The following ASF1B variants were observed in gnomAD, a reference collection of about 807,000 sequenced individuals.
ASF1B encodes anti-silencing function 1B histone chaperone, also known as histone chaperone ASF1B.
ASF1B carries 10 observed loss-of-function variants against 16.6 expected under a neutral mutation model. The ratio of observed to expected loss-of-function variants is 0.60; its 90% CI spans 0.37 to 1.02. ASF1B has a LOEUF of 1.02. Among genes scored for constraint, ASF1B ranks in the 50% least tolerant of loss-of-function variants. ASF1B has a pLI of 0.01. For synonymous variants in ASF1B, 101 were observed against 106.2 expected, an observed-to-expected ratio of 0.95 and a Z score of 0.30; for missense variants, 240 against 266.0, an observed-to-expected ratio of 0.90 and a Z score of 0.68.
At chr19:14,124,163 G>GT (rs1352672112) in intron 2 of ASF1B, among the ~76,000 whole-genome samples, 1 of 151,566 alleles carries the variant, frequency 6.6e-6, no homozygotes, top group African/African-American at 2.4e-5. Flanking sequence ...CCTGGTTAAT[G>GT]TTTTTTTTGT....
chr19:14,133,841 T>TCGCCCAG (rs1434598366), intron 1 of ASF1B, among the ~76,000 whole-genome samples: 2 of 135,028 alleles, frequency 1.5e-5, no homozygotes, highest in Non-Finnish European at 3.1e-5. Context: ...TCTCGCTCTG[T>TCGCCCAG]CGCCCAGGCT....
At chr19:14,133,524 C>T (rs1412023911) in intron 1 of ASF1B, among the ~76,000 whole-genome samples, 1 of 151,924 alleles carries the variant, frequency 6.6e-6, no homozygotes, top group Admixed American at 6.6e-5. Flanking sequence ...AAAAATTAGC[C>T]AGGCGTCATA....
At chr19:14,135,625 G>C (rs1283625071) in intron 1 of ASF1B, among the ~76,000 whole-genome samples, 1 of 151,934 alleles carries the variant, frequency 6.6e-6, no homozygotes, top group Non-Finnish European at 1.5e-5. Context: ...GGTTGAGAGA[G>C]GTCCTGAAAA....
chr19:14,131,712 GA>G (rs1219238171), intron 1 of ASF1B, among the ~76,000 whole-genome samples: 1 of 151,032 alleles, frequency 6.6e-6, no homozygotes, highest in Non-Finnish European at 1.5e-5. Context: ...TCGAACTTCT[GA>G]CCTCAGGTAA....
intron 1 of ASF1B, among the ~76,000 whole-genome samples, chr19:14,126,777 T>C (rs570025501): frequency 2.0e-4 from 31 of 152,242 alleles, no homozygotes; most frequent in Admixed American, 7.8e-4. Flanking sequence ...TGGCCTGTTT[T>C]TGTATTTTTA....
chr19:14,130,787 G>GTATATATATATATATATATA (rs61351900), intron 1 of ASF1B, among the ~76,000 whole-genome samples: 6 of 142,438 alleles, frequency 4.2e-5, no homozygotes, highest in African/African-American at 1.6e-4. Context: ...GTGTTTGTGT[G>GTATATATATATATATATATA]TATATATATA....
rs188898152 is a variant in ASF1B, at chr19:14,129,442, C to T, written c.110-3205G>A. On this transcript the variant is annotated intron_variant, in intron 1 of 3. Coordinates refer to ENST00000263382, the MANE Select transcript of ASF1B (RefSeq NM_018154.3). ...CTGTAATCCTAGCACTTTGGGAGGC[C>T]GAGGCAGGCAGATTGCCTGAGCTCA... Among the ~76,000 whole-genome samples, 1,188 of 150,872 alleles carry T rather than the reference C, an allele frequency of 7.9e-3. 14 individuals carry two copies. The highest frequency in any genetic ancestry group is 0.027 in the African/African-American group (1,112 of 41,104).
chr19:14,130,518 A>AAC (rs1482913151), intron 1 of ASF1B, among the ~76,000 whole-genome samples: 4 of 151,962 alleles, frequency 2.6e-5, no homozygotes, highest in Non-Finnish European at 5.9e-5. Flanking sequence ...AAAAAAAAAA[A>AAC]AAAATCTGGC....
At chr19:14,128,878 C>T (rs533748214) in intron 1 of ASF1B, among the ~76,000 whole-genome samples, 47 of 152,316 alleles carry the variant, frequency 3.1e-4, no homozygotes, top group African/African-American at 1.1e-3. Flanking sequence ...GGTGTATATC[C>T]TTGAGCCCTT....
intron 2 of ASF1B, among the ~76,000 whole-genome samples, chr19:14,124,273 C>A (rs1021529814): frequency 6.6e-6 from 1 of 152,160 alleles, no homozygotes; most frequent in African/African-American, 2.4e-5. Context: ...CCTGCTTCAG[C>A]CTCCCAAGTA....
At position 14,120,372 on chromosome 19, in the gene ASF1B, C is replaced by A; in HGVS notation, c.*87G>T. The A allele has an allele frequency of 7.2e-7, 1 of 1,383,586 alleles. No individual in the cohort carries two copies. Among genetic ancestry groups the A allele is most frequent in the South Asian group, 1.3e-5 (1 of 78,984 alleles). The allele number at this position is 1,383,586 out of a possible 1,614,324, so 85.7% of individuals were successfully genotyped here. A position where few individuals can be genotyped will look rare whatever the true frequency, so the allele number is the denominator to read the frequency against. The stretch of plus-strand genomic sequence containing the variant: ...AGACCTGGATTGCAGCTGATGGCCC[C>A]CAAAGTCCTCTAGATGGGCCCTGCA... On this transcript the variant is annotated 3_prime_UTR_variant, in exon 4 of 4. Coordinates refer to ENST00000263382, the MANE Select transcript of ASF1B (RefSeq NM_018154.3).
chr19:14,131,650 T>C (rs913583535), intron 1 of ASF1B, among the ~76,000 whole-genome samples: 1 of 151,242 alleles, frequency 6.6e-6, no homozygotes, highest in Non-Finnish European at 1.5e-5. Context: ...ACCCGGCTAA[T>C]TTTTTGTATT....
At position 14,123,387 on chromosome 19, in the gene ASF1B, T is replaced by TC. The variant is rs1308945196; in HGVS notation, c.226-1680_226-1679insG. Among the ~76,000 whole-genome samples the TC allele has an allele frequency of 2.7e-5, 4 of 146,866 alleles. No individual in the cohort carries two copies. The East Asian group carries it at 7.8e-4, about 29-fold the overall frequency. ...TTGTTTTTTCTTTCTTCTTTTTTTT[T>TC]TTTTTTTTTTTTGAGATGGAGTCTC... On this transcript the variant is annotated intron_variant, in intron 2 of 3. Coordinates refer to ENST00000263382, the MANE Select transcript of ASF1B (RefSeq NM_018154.3).
intron 3 of ASF1B, among the ~76,000 whole-genome samples, chr19:14,121,077 TCCCA>T (rs1421568661): frequency 3.3e-5 from 5 of 151,656 alleles, no homozygotes; most frequent in Non-Finnish European, 7.4e-5. Context: ...AGCCTCGGCC[TCCCA>T]AAGTGCTGGG....
chr19:14,122,201 G>A (rs906212787), intron 2 of ASF1B, among the ~76,000 whole-genome samples: 16 of 152,206 alleles, frequency 1.1e-4, no homozygotes, highest in African/African-American at 1.4e-4. Context: ...AAAGTGTTGG[G>A]ATTACAGGTG....
intron 2 of ASF1B, among the ~76,000 whole-genome samples, chr19:14,123,563 G>A (rs1967273471): frequency 6.6e-6 from 1 of 151,604 alleles, no homozygotes; most frequent in African/African-American, 2.4e-5. Flanking sequence ...GTATTTTTTA[G>A]TAGAGATGGG....
At chr19:14,128,835 G>GCT (rs1302913141) in intron 1 of ASF1B, among the ~76,000 whole-genome samples, 1 of 152,164 alleles carries the variant, frequency 6.6e-6, no homozygotes, top group African/African-American at 2.4e-5. Context: ...AGCCAGCCCT[G>GCT]CTCTCTCCTT....
At chr19:14,134,586 C>A (rs1454359292) in intron 1 of ASF1B, among the ~76,000 whole-genome samples, 2 of 152,110 alleles carry the variant, frequency 1.3e-5, no homozygotes, top group Non-Finnish European at 2.9e-5. Context: ...AGTACTTCTT[C>A]CTGAAAGCAG....
rs750560881 is a variant in ASF1B at position 14,120,624 on chromosome 19, G to A, written c.444C>T (p.Arg148=). Residue 148 remains arginine (R), a synonymous_variant, in exon 4 of 4, where the codon CGC becomes CGT. Transcript: ENST00000263382. ...TGTTGTTGTCCCAGTTGATATGGAAGCGGGTCACCCGGGGGTTCGAGGCCA... is the reference window on the plus strand; with the variant it reads ...TGTTGTTGTCCCAGTTGATATGGAAACGGGTCACCCGGGGGTTCGAGGCCA... The part of the protein sequence containing the change: ...NILASNPRVT[R]FHINWDNNMD... The A allele has an allele frequency of 6.2e-7, 1 of 1,614,002 alleles. No individual in the cohort carries two copies. The highest frequency in any genetic ancestry group is 1.7e-5 in the Admixed American group (1 of 59,996).
Sources: allele counts gnomAD v4.1 joint callset (sites outside exome capture counted in the v4.1 genomes callset), GRCh38; gene constraint gnomAD v4.1.1; transcripts MANE v1.5; gene names NCBI Gene and HGNC (gene_info 2026-07-23, HGNC 2026-07-21).